ARL14EPL: variants seen among roughly 807,000 people sequenced by gnomAD.
ARL14EPL encodes the protein ARL14 effector protein-like.
Under a neutral mutation model 15.9 loss-of-function variants are expected in ARL14EPL, and 17 were observed. The ratio of observed to expected loss-of-function variants is 1.07; its 90% CI spans 0.73 to 1.60. ARL14EPL has a LOEUF of 1.60. ARL14EPL is among the 40% of genes most tolerant of loss of function. The pLI is 0.00. For missense variants in ARL14EPL, 214 were observed against 185.9 expected (o/e 1.15, Z -0.88); for synonymous variants, 78 against 63.8 (o/e 1.22, Z -1.06).
intron 1 of ARL14EPL, among the ~76,000 whole-genome samples, chr5:116,047,407 C>A (rs917331869): frequency 1.3e-5 from 2 of 152,196 alleles, no homozygotes; most frequent in African/African-American, 4.8e-5. Context: ...GGACATAGTA[C>A]TGGGGGTCAC....
chr5:116,054,068 G>A lies in ARL14EPL; in HGVS notation c.151G>A (p.Val51Ile), dbSNP rs1461987005. The change falls in exon 3 of 4, where the codon GTA (valine) becomes ATA (isoleucine). Residue 51 changes from valine (V) to isoleucine (I), a missense_variant. Val to Ile is a conservative substitution (Grantham distance 29). Transcript: ENST00000686077. The part of the protein sequence containing the change: ...CLAFRNPGPQ[V>I]ADFNPETRQQ... ...GGCATTTCGAAACCCTGGACCACAGGTAGCAGACTTTAATCCTGAAACAAG... is the reference window on the plus strand; with the variant it reads ...GGCATTTCGAAACCCTGGACCACAGATAGCAGACTTTAATCCTGAAACAAG... 1 of 1,535,714 alleles carries A rather than the reference G, an allele frequency of 6.5e-7. No homozygotes were observed. The highest frequency in any genetic ancestry group is 2.0e-5 in the Admixed American group (1 of 50,992).
intron 2 of ARL14EPL, among the ~76,000 whole-genome samples, 163 bp downstream of exon 2, chr5:116,051,724 A>G (rs1541801): frequency 0.69 from 104,414 of 152,050 alleles, 36,991 homozygotes; most frequent in Non-Finnish European, 0.79. Flanking sequence ...CCCACTGCTC[A>G]CTGCGGGCTG....
intron 1 of ARL14EPL, among the ~76,000 whole-genome samples, chr5:116,033,507 A>T (rs1488569849): frequency 2.6e-5 from 4 of 152,204 alleles, no homozygotes; most frequent in African/African-American, 9.7e-5. Context: ...ACATAACTTC[A>T]TCATAAATTA....
intron 3 of ARL14EPL, 23 bp downstream of exon 3, chr5:116,054,176 T>C (rs1183295011): frequency 6.6e-7 from 1 of 1,525,456 alleles, no homozygotes; most frequent in Admixed American, 2.0e-5. Context: ...CTTATTGTAT[T>C]TGATCTGTGG....
At chr5:116,048,752 G>A (rs1379153787) in intron 1 of ARL14EPL, among the ~76,000 whole-genome samples, 2 of 152,088 alleles carry the variant, frequency 1.3e-5, no homozygotes, top group Non-Finnish European at 1.5e-5. Flanking sequence ...CAGAAGATGA[G>A]CCTATAAAGG....
chr5:116,055,082 A>T (rs1183081389), intron 3 of ARL14EPL, among the ~76,000 whole-genome samples: 1 of 152,178 alleles, frequency 6.6e-6, no homozygotes, highest in African/African-American at 2.4e-5. Context: ...AATGATAAAC[A>T]GACATTTCAT....
rs535522686 is a variant in ARL14EPL at position 116,038,619 on chromosome 5, T to A, written c.-10+6114T>A. Among the ~76,000 whole-genome samples, 5 of 140,392 alleles carry A rather than the reference T, an allele frequency of 3.6e-5. No homozygotes were observed. In the South Asian group the frequency reaches 6.6e-4, roughly 18 times the overall value. 92.1% of individuals were successfully genotyped at this position (140,392 alleles called of 152,430 possible). On this transcript the variant is annotated intron_variant, in intron 1 of 3. Coordinates refer to ENST00000686077, the MANE Select transcript of ARL14EPL (RefSeq NM_001195581.2). ...ATGCAGACAAGAATTTTAAGGAGAA[T>A]AACTTCAGTAGCGAAGTGTGGAGAT...
intron 1 of ARL14EPL, among the ~76,000 whole-genome samples, chr5:116,035,926 C>T (rs948807987): frequency 3.3e-4 from 50 of 152,188 alleles, no homozygotes; most frequent in African/African-American, 1.2e-3. Flanking sequence ...GTGATACCGA[C>T]GGAAACTGGA....
chr5:116,038,826 G>T (rs534507116), intron 1 of ARL14EPL, among the ~76,000 whole-genome samples: 1 of 152,272 alleles, frequency 6.6e-6, no homozygotes, highest in African/African-American at 2.4e-5. Context: ...AGTTGTAAAA[G>T]AAATCTGAGA....
chr5:116,033,498 C>T (rs896579923), intron 1 of ARL14EPL, among the ~76,000 whole-genome samples: 1 of 152,090 alleles, frequency 6.6e-6, no homozygotes, highest in Admixed American at 6.5e-5. Flanking sequence ...CTTATGGGGA[C>T]ATAACTTCAT....
chr5:116,057,805 G>A (rs1749555969), intron 3 of ARL14EPL, among the ~76,000 whole-genome samples: 1 of 152,198 alleles, frequency 6.6e-6, no homozygotes, highest in Admixed American at 6.5e-5. Flanking sequence ...CCTGCTTAGG[G>A]ACAAAGGGTG....
intron 1 of ARL14EPL, among the ~76,000 whole-genome samples, chr5:116,034,312 C>T (rs1415568332): frequency 2.0e-5 from 3 of 152,096 alleles, no homozygotes; most frequent in African/African-American, 7.2e-5. Flanking sequence ...CTGAGAATGC[C>T]CCGTAACAGA....
At chr5:116,038,486 T>C (rs896375782) in intron 1 of ARL14EPL, among the ~76,000 whole-genome samples, 4 of 152,126 alleles carry the variant, frequency 2.6e-5, no homozygotes, top group Non-Finnish European at 5.9e-5. Context: ...AAGGATGCGG[T>C]GACAACGAGG....
At chr5:116,051,300 G>T in intron 1 of ARL14EPL, 157 bp from the exon 2 acceptor site, 1 of 581,878 alleles carries the variant, frequency 1.7e-6, no homozygotes, top group Non-Finnish European at 3.0e-6. Context: ...CAGAGGCAAG[G>T]TTTAACAGTG....
chr5:116,057,760 ATTAC>A (rs1195753122), intron 3 of ARL14EPL, among the ~76,000 whole-genome samples: 1 of 152,212 alleles, frequency 6.6e-6, no homozygotes, highest in East Asian at 1.9e-4. Flanking sequence ...ATGGAACGAT[ATTAC>A]TTAGCGAACA....
At position 116,056,298 on chromosome 5, in the gene ARL14EPL, C is replaced by T. The variant is rs1441973122; in HGVS notation, c.236+2145C>T. ...AAGTGTTCCTGTTTCTCCACATCCTCTCCAGCACCTGTTGTTTCCTGACTT... is the reference window on the plus strand; with the variant it reads ...AAGTGTTCCTGTTTCTCCACATCCTTTCCAGCACCTGTTGTTTCCTGACTT... On this transcript the variant is annotated intron_variant, in intron 3 of 3. Transcript: ENST00000686077. Among the ~76,000 whole-genome samples the T allele has an allele frequency of 2.0e-5, 3 of 152,156 alleles. No homozygotes were observed. The East Asian group carries it at 5.8e-4, about 29-fold the overall frequency.
At chr5:116,051,217 T>G (rs1029313593) in intron 1 of ARL14EPL, 2 of 421,542 alleles carry the variant, frequency 4.7e-6, no homozygotes, top group Admixed American at 8.3e-5. Context: ...TGCTAAGGAC[T>G]GTCAAAGGTA....
chr5:116,051,832 C>A (rs1447981182), intron 2 of ARL14EPL: 1 of 1,020,070 alleles, frequency 9.8e-7, no homozygotes, highest in Non-Finnish European at 1.4e-6. Context: ...AGAATATATA[C>A]AAACGTTTTT....
At chr5:116,051,429 G>A (rs1749377153) in intron 1 of ARL14EPL, 28 bp from the exon 2 acceptor site, 2 of 1,334,150 alleles carry the variant, frequency 1.5e-6, no homozygotes, top group African/African-American at 2.9e-5. Context: ...ATATTAATAT[G>A]TTTTACTTTT....
Sources: allele counts gnomAD v4.1 joint callset (sites outside exome capture counted in the v4.1 genomes callset), GRCh38; gene constraint gnomAD v4.1.1; transcripts MANE v1.5; gene names NCBI Gene and HGNC (gene_info 2026-07-23, HGNC 2026-07-21).